Variants in BRWD3 observed in about 807,000 individuals in gnomAD.
BRWD3 encodes bromodomain and WD repeat domain containing 3.
A neutral mutation model predicts 149.7 loss-of-function variants in BRWD3; 10 were observed. That is an observed-to-expected ratio of 0.07 (90% confidence interval 0.04 to 0.11). The LOEUF (loss-of-function observed/expected upper bound fraction) is 0.11, where lower values mean the gene tolerates loss of function less well. Among genes scored for constraint, BRWD3 ranks in the 10% least tolerant of loss-of-function variants. The pLI is 1.00. For synonymous variants in BRWD3, 504 were observed against 456.7 expected (o/e 1.10, Z -1.32); for missense variants, 940 against 1,373.2 (o/e 0.68, Z 4.99).
chrX:80,725,960 CAT>C (rs1355375162), intron 14 of BRWD3, among the ~76,000 whole-genome samples: 3 of 109,682 alleles, frequency 2.7e-5, no homozygotes, highest in Middle Eastern at 7.3e-3. Flanking sequence ...CTATATAACA[CAT>C]AACATGTTTA....
intron 4 of BRWD3, among the ~76,000 whole-genome samples, chrX:80,798,053 C>T (rs773900038): frequency 5.4e-4 from 60 of 110,897 alleles, no homozygotes; most frequent in Non-Finnish European, 2.8e-4. Flanking sequence ...CGAGATCACG[C>T]CACTGCACTC....
rs1236634361 is a variant in BRWD3, at chrX:80,805,097, TC to T, written c.180+3441del. On this transcript the variant is annotated intron_variant, in intron 4 of 40. Transcript: ENST00000373275. The stretch of plus-strand genomic sequence containing the variant: ...AAGCAGCTTTAATAAAAAAGCACCT[TC>T]CCTTGTGTTCAAAATTACAAGTAAA... 2.7e-5 allele frequency among the ~76,000 whole-genome samples: 3 copies of T among 111,676 alleles called. No homozygotes were observed. In the East Asian group the frequency reaches 8.4e-4, roughly 31 times the overall value.
intron 6 of BRWD3, among the ~76,000 whole-genome samples, chrX:80,783,202 G>A (rs1451083429): frequency 4.6e-5 from 5 of 109,618 alleles, no homozygotes; most frequent in African/African-American, 1.7e-4. Flanking sequence ...CCTGGCCAAC[G>A]TGGTGAAACC....
chrX:80,772,522 C>T (rs1282219164), intron 6 of BRWD3, among the ~76,000 whole-genome samples: 1 of 110,338 alleles, frequency 9.1e-6, no homozygotes, highest in Non-Finnish European at 1.9e-5. Context: ...ATGTAAATGA[C>T]GAGTTTATGG....
At chrX:80,787,599 C>A (rs1356782155) in intron 6 of BRWD3, among the ~76,000 whole-genome samples, 1 of 108,398 alleles carries the variant, frequency 9.2e-6, no homozygotes, top group East Asian at 2.9e-4. Flanking sequence ...TGAATTCAAT[C>A]TAAACCACAC....
intron 6 of BRWD3, among the ~76,000 whole-genome samples, chrX:80,753,935 T>C (rs2073704998): frequency 1.8e-5 from 2 of 112,036 alleles, no homozygotes; most frequent in South Asian, 7.4e-4. Context: ...CCTTGCAATG[T>C]AATTTACATC....
chrX:80,767,181 C>T (rs1281629623), intron 6 of BRWD3, among the ~76,000 whole-genome samples: 2 of 112,371 alleles, frequency 1.8e-5, no homozygotes, highest in Non-Finnish European at 3.8e-5. Flanking sequence ...TGTCTGACAG[C>T]TCTGAAGAGA....
At position 80,726,387 on chromosome X, in the gene BRWD3, A is replaced by G. The variant is rs756617015; in HGVS notation, c.1387-1320T>C. On this transcript the variant is annotated intron_variant, in intron 14 of 40. Coordinates refer to ENST00000373275, the MANE Select transcript of BRWD3 (RefSeq NM_153252.5). Reference sequence around the variant, plus strand: ...TGTTTACATGTTATATCTGTATAACATAACATGTTTACATATGTTATATGT... The same window carrying G: ...TGTTTACATGTTATATCTGTATAACGTAACATGTTTACATATGTTATATGT... 3.6e-5 allele frequency among the ~76,000 whole-genome samples: 4 copies of G among 110,255 alleles called. No individual in the cohort carries two copies. The South Asian group carries it at 1.6e-3, about 43-fold the overall frequency.
chrX:80,720,567 A>C (rs1049919321), intron 17 of BRWD3, among the ~76,000 whole-genome samples: 25 of 108,543 alleles, frequency 2.3e-4, no homozygotes, highest in African/African-American at 8.1e-4. Context: ...AAACAAACAA[A>C]CAAAAAACCA....
At chrX:80,712,396 A>G (rs6622359) in intron 20 of BRWD3, among the ~76,000 whole-genome samples, 1 of 108,809 alleles carries the variant, frequency 9.2e-6, no homozygotes, top group Non-Finnish European at 1.9e-5. Context: ...AGTGATCCGC[A>G]AGCCTCGGCC....
Position 80,720,188 on chromosome X carries a change from ACTC to A in BRWD3, c.1877-535_1877-533del, listed in dbSNP as rs763948933. Among the ~76,000 whole-genome samples the A allele has an allele frequency of 3.4e-4, 38 of 111,324 alleles. No individual in the cohort carries two copies. In the East Asian group the frequency reaches 5.6e-3, roughly 16 times the overall value. ...CATACTTCGTATCATTTTGAAATGT[ACTC>A]CTTTTAATTATTAAAAAAAATTGCA... On this transcript the variant is annotated intron_variant, in intron 17 of 40. Transcript: ENST00000373275.
At chrX:80,780,609 T>C (rs1166209685) in intron 6 of BRWD3, among the ~76,000 whole-genome samples, 4 of 111,839 alleles carry the variant, frequency 3.6e-5, no homozygotes, top group African/African-American at 1.3e-4. Context: ...AGATGGAGTT[T>C]ATATTCCAGT....
intron 6 of BRWD3, among the ~76,000 whole-genome samples, chrX:80,749,130 T>C (rs1164027160): frequency 8.9e-6 from 1 of 112,335 alleles, no homozygotes; most frequent in African/African-American, 3.2e-5. Context: ...CGATCTATCC[T>C]GGAGAATACT....
intron 6 of BRWD3, among the ~76,000 whole-genome samples, chrX:80,750,595 T>C (rs1233962980): frequency 1.8e-5 from 2 of 110,880 alleles, no homozygotes; most frequent in African/African-American, 3.3e-5. Flanking sequence ...GGTAAGGACA[T>C]AGAGAAAAGG....
At chrX:80,701,580 T>C (rs1470604159) in intron 24 of BRWD3, among the ~76,000 whole-genome samples, 1 of 90,547 alleles carries the variant, frequency 1.1e-5, no homozygotes, top group African/African-American at 4.1e-5. Flanking sequence ...AAAGTAGTGA[T>C]AGAGATAAGT....
chrX:80,709,090 G>A (rs2072918228), intron 21 of BRWD3, among the ~76,000 whole-genome samples: 1 of 111,311 alleles, frequency 9.0e-6, no homozygotes, highest in Non-Finnish European at 1.9e-5. Flanking sequence ...TAGCCAACCA[G>A]TTCTGAAACT....
chrX:80,709,306 A>C, intron 21 of BRWD3, 122 bp downstream of exon 21: 2 of 524,018 alleles, frequency 3.8e-6, no homozygotes, highest in African/African-American at 2.4e-5. Context: ...TTAATGAACA[A>C]ATCTCTTATA....
intron 13 of BRWD3, among the ~76,000 whole-genome samples, chrX:80,729,302 T>G (rs1251342076): frequency 1.8e-5 from 2 of 111,692 alleles, no homozygotes; most frequent in Admixed American, 1.9e-4. Flanking sequence ...AAAAAGCAGA[T>G]TTAGTACCAT....
chrX:80,776,611 C>T (rs983491322), intron 6 of BRWD3, among the ~76,000 whole-genome samples: 4 of 111,718 alleles, frequency 3.6e-5, no homozygotes, highest in Non-Finnish European at 7.5e-5. Context: ...GGAGGACAGA[C>T]ATAGATAAAA....
Sources: allele counts gnomAD v4.1 joint callset (sites outside exome capture counted in the v4.1 genomes callset), GRCh38; gene constraint gnomAD v4.1.1; transcripts MANE v1.5; gene names NCBI Gene and HGNC (gene_info 2026-07-23, HGNC 2026-07-21).